DSCAML1: variants seen among roughly 807,000 people sequenced by gnomAD.
DSCAML1 encodes cell adhesion molecule DSCAML1.
In DSCAML1, 38 loss-of-function variants were observed where a neutral mutation model predicts 200.5. The ratio of observed to expected loss-of-function variants is 0.19; its 90% CI spans 0.15 to 0.25. The LOEUF (loss-of-function observed/expected upper bound fraction) is 0.25, where lower values mean the gene tolerates loss of function less well. Ranked by LOEUF, DSCAML1 falls within the 10% of genes least tolerant of loss-of-function variation. The pLI is 1.00. For synonymous variants in DSCAML1, 1,215 were observed against 1,165.0 expected (o/e 1.04, Z -0.87); for missense variants, 2,223 against 2,858.8 (o/e 0.78, Z 5.07).
At chr11:117,457,006 T>A (rs2048384353) in intron 19 of DSCAML1, among the ~76,000 whole-genome samples, 2 of 152,288 alleles carry the variant, frequency 1.3e-5, no homozygotes, top group East Asian at 1.9e-4. Context: ...AGCACCTTGG[T>A]AGCCATAAAG....
At chr11:117,429,112 CTTG>C (rs1175416322) in intron 32 of DSCAML1, among the ~76,000 whole-genome samples, 1 of 152,154 alleles carries the variant, frequency 6.6e-6, no homozygotes. Flanking sequence ...TACATGGATG[CTTG>C]TTGTTCAATG....
In DSCAML1 at chr11:117,525,069, T is replaced by G. The variant is rs996324129; in HGVS notation, c.673A>C (p.Ile225Leu). The G allele has an allele frequency of 3.8e-6, 6 of 1,568,418 alleles. No individual in the cohort carries two copies. In the Admixed American group the frequency reaches 9.5e-5, roughly 25 times the overall value. ...TGGAAGCCATCCAGGATGGTGGGGA[T>G]CGACTCAGCAGGGTCTGGAAGGCAG... ...RLSVTDPAES[I>L]PTILDGFHSQ... Residue 225 changes from isoleucine (I) to leucine (L), a missense_variant, in exon 5 of 33, where the codon ATC becomes CTC. Around this residue, in one of 7 missense-constraint regions of DSCAML1, gnomAD observed 579 missense variants for 721.5 expected, o/e 0.80. Transcript: ENST00000651296.
At chr11:117,507,492 T>TA (rs2049525054) in intron 8 of DSCAML1, among the ~76,000 whole-genome samples, 1 of 152,176 alleles carries the variant, frequency 6.6e-6, no homozygotes, top group Non-Finnish European at 1.5e-5. Flanking sequence ...CAGGCAGCCC[T>TA]TTGGATCCTG....
rs929095941 is a variant in DSCAML1 at position 117,469,803 on chromosome 11, C to T, written c.3024+107G>A. 4.1e-6 allele frequency: 4 copies of T among 976,880 alleles called. No homozygotes were observed. Among genetic ancestry groups the T allele is most frequent in the Non-Finnish European group, 4.3e-6 (3 of 695,150 alleles). 60.5% of individuals were successfully genotyped at this position (976,880 alleles called of 1,614,324 possible). ...GGTTTAGTGACAAAACAGACATGGG[C>T]ATCATATAAGACTAGAGACTAGCAA... is the stretch of plus-strand genomic sequence containing the variant. On this transcript the variant is annotated intron_variant, in intron 16 of 32. Transcript: ENST00000651296. The surrounding 1 kb of genome is among the most constrained non-coding windows in gnomAD (Gnocchi z 4.1).
chr11:117,500,472 C>T (rs1474345787), intron 11 of DSCAML1, among the ~76,000 whole-genome samples: 1 of 152,186 alleles, frequency 6.6e-6, no homozygotes, highest in African/African-American at 2.4e-5. Context: ...GTATTAATTG[C>T]TGTAAGTGCA....
chr11:117,793,166 A>C (rs2055506028), intron 1 of DSCAML1, among the ~76,000 whole-genome samples: 1 of 152,176 alleles, frequency 6.6e-6, no homozygotes, highest in African/African-American at 2.4e-5. Flanking sequence ...ATTATATGCA[A>C]ATCTGGGGTG....
intron 3 of DSCAML1, among the ~76,000 whole-genome samples, chr11:117,556,890 G>A (rs1162292441): frequency 1.3e-5 from 2 of 152,188 alleles, no homozygotes; most frequent in Admixed American, 1.3e-4. Context: ...GCTGCAGTAT[G>A]AATCCCTTTT....
At chr11:117,630,214 T>C (rs2052141254) in intron 3 of DSCAML1, among the ~76,000 whole-genome samples, 1 of 152,092 alleles carries the variant, frequency 6.6e-6, no homozygotes, top group Non-Finnish European at 1.5e-5. Flanking sequence ...TTTCGTACAG[T>C]TCCCTCACCT....
chr11:117,769,526 TA>T (rs1366332161), intron 3 of DSCAML1, among the ~76,000 whole-genome samples: 1 of 74,832 alleles, frequency 1.3e-5, no homozygotes, highest in African/African-American at 7.8e-5. Flanking sequence ...ATATTATATA[TA>T]TTTTATATAT....
At chr11:117,785,392 G>T (rs971645684) in intron 1 of DSCAML1, among the ~76,000 whole-genome samples, 3 of 152,146 alleles carry the variant, frequency 2.0e-5, no homozygotes, top group Non-Finnish European at 2.9e-5. Flanking sequence ...GGTGACAAGG[G>T]GGGGCACTCC....
intron 3 of DSCAML1, among the ~76,000 whole-genome samples, chr11:117,719,361 T>C (rs2054007538): frequency 6.6e-6 from 1 of 152,182 alleles, no homozygotes; most frequent in Non-Finnish European, 1.5e-5. Context: ...GGAGAATCAC[T>C]TGAACCCGGG....
intron 3 of DSCAML1, among the ~76,000 whole-genome samples, chr11:117,696,873 C>T (rs999057732): frequency 2.6e-5 from 4 of 152,210 alleles, no homozygotes; most frequent in Non-Finnish European, 5.9e-5. Context: ...GGACATCTCC[C>T]ATGCTCGCCC....
chr11:117,685,302 G>C (rs1312333996), intron 3 of DSCAML1, among the ~76,000 whole-genome samples: 1 of 152,184 alleles, frequency 6.6e-6, no homozygotes, highest in Non-Finnish European at 1.5e-5. Context: ...AAAATTAACG[G>C]TCAGAGCTGG....
intron 1 of DSCAML1, among the ~76,000 whole-genome samples, chr11:117,790,924 G>C (rs1000500017): frequency 6.6e-6 from 1 of 152,182 alleles, no homozygotes; most frequent in African/African-American, 2.4e-5. Context: ...CAGTTTAATG[G>C]ATATGCAACT....
chr11:117,772,637 G>C (rs188029779), intron 3 of DSCAML1, among the ~76,000 whole-genome samples: 25 of 152,224 alleles, frequency 1.6e-4, no homozygotes, highest in Admixed American at 5.9e-4. Flanking sequence ...ATCAGGTCTG[G>C]TGGAAATTAA....
chr11:117,701,627 G>C (rs1235617512), intron 3 of DSCAML1, among the ~76,000 whole-genome samples: 3 of 152,120 alleles, frequency 2.0e-5, no homozygotes, highest in African/African-American at 7.2e-5. Flanking sequence ...GGAGGCCTGT[G>C]TTTCCATCCC....
At chr11:117,514,799 C>T (rs2049723646) in intron 8 of DSCAML1, among the ~76,000 whole-genome samples, 1 of 152,166 alleles carries the variant, frequency 6.6e-6, no homozygotes. Context: ...TCAGGCTGGT[C>T]TCAAACTCCT....
chr11:117,498,882 C>T lies in DSCAML1; in HGVS notation c.2359+4963G>A, dbSNP rs1009963568. Among the ~76,000 whole-genome samples the T allele has an allele frequency of 6.6e-6, 1 of 152,146 alleles. No individual in the cohort carries two copies. Among genetic ancestry groups the T allele is most frequent in the Non-Finnish European group, 1.5e-5 (1 of 67,986 alleles). On this transcript the variant is annotated intron_variant, in intron 11 of 32. Coordinates refer to ENST00000651296, the MANE Select transcript of DSCAML1 (RefSeq NM_020693.4). The surrounding 1 kb of genome is among the most constrained non-coding windows in gnomAD (Gnocchi z 4.0). ...ATCAAAACTCAGACCAAACAAAGAG[C>T]CCTTATGGGTTTAATTGGCCATGGG...
At chr11:117,771,175 T>C (rs1042664767) in intron 3 of DSCAML1, among the ~76,000 whole-genome samples, 1 of 149,234 alleles carries the variant, frequency 6.7e-6, no homozygotes, top group Non-Finnish European at 1.5e-5. Context: ...TTGGTGTAGA[T>C]TCGTGGGAGC....
Sources: allele counts gnomAD v4.1 joint callset (sites outside exome capture counted in the v4.1 genomes callset), GRCh38; gene constraint gnomAD v4.1.1; regional missense constraint gnomAD v4.1.1; non-coding constraint Gnocchi (gnomAD v3.1); transcripts MANE v1.5; gene names NCBI Gene and HGNC (gene_info 2026-07-23, HGNC 2026-07-21).